UGT1A9: variants seen among roughly 807,000 people sequenced by gnomAD.
UGT1A9 encodes UDP-glucuronosyltransferase 1A9.
Under a neutral mutation model 45.0 loss-of-function variants are expected in UGT1A9, and 35 were observed. That is an observed-to-expected ratio of 0.78 (90% CI 0.59 to 1.03). The LOEUF (loss-of-function observed/expected upper bound fraction) is 1.03. Ranked by LOEUF, UGT1A9 falls within the 50% of genes least tolerant of loss-of-function variation. UGT1A9 has a pLI of 0.00. For missense variants in UGT1A9, 687 were observed against 666.6 expected, an observed-to-expected ratio of 1.03 and a Z score of -0.34; for synonymous variants, 278 against 250.6, an observed-to-expected ratio of 1.11 and a Z score of -1.03.
intron 1 of UGT1A9, among the ~76,000 whole-genome samples, chr2:233,733,802 G>A (rs2078438664): frequency 6.6e-6 from 1 of 152,152 alleles, no homozygotes; most frequent in African/African-American, 2.4e-5. Flanking sequence ...TTTGGTATCA[G>A]GATGATGCTG....
chr2:233,733,332 C>T (rs1191516826), intron 1 of UGT1A9, among the ~76,000 whole-genome samples: 5 of 152,198 alleles, frequency 3.3e-5, no homozygotes, highest in East Asian at 1.9e-4. Context: ...CTGGCCAGAA[C>T]TTCCAACAGT....
intron 1 of UGT1A9, chr2:233,729,369 C>T (rs552638090): frequency 1.4e-5 from 23 of 1,613,926 alleles, no homozygotes; most frequent in Non-Finnish European, 1.8e-5. Flanking sequence ...CAACCTATGC[C>T]ATTTCGTGGA....
At chr2:233,730,586 G>A (rs2078050719) in intron 1 of UGT1A9, among the ~76,000 whole-genome samples, 1 of 152,116 alleles carries the variant, frequency 6.6e-6, no homozygotes, top group Admixed American at 6.6e-5. Context: ...TTCCAGACAG[G>A]GATCTGTGCT....
intron 4 of UGT1A9, chr2:233,770,944 AC>A: frequency 6.6e-6 from 1 of 152,138 alleles, no homozygotes; most frequent in Non-Finnish European, 1.5e-5. Context: ...TGCCGGGGGA[AC>A]CTCAGGGAGC....
intron 1 of UGT1A9, among the ~76,000 whole-genome samples, chr2:233,724,884 G>A (rs1223856006): frequency 8.2e-5 from 11 of 134,350 alleles, no homozygotes; most frequent in Admixed American, 1.5e-4. Context: ...CGGAGATCAC[G>A]CCACTGCACT....
At chr2:233,729,653 T>C (rs781239546) in intron 1 of UGT1A9, 1 of 1,613,906 alleles carries the variant, frequency 6.2e-7, no homozygotes, top group East Asian at 2.2e-5. Flanking sequence ...TTGAGGAACA[T>C]TCCATGTGAT....
chr2:233,694,603 G>C (rs192830777), intron 1 of UGT1A9, among the ~76,000 whole-genome samples: 4 of 152,306 alleles, frequency 2.6e-5, no homozygotes. Context: ...AAGGGCTTCA[G>C]GCAACTCCCT....
chr2:233,754,277 A>C (rs1263233014), intron 1 of UGT1A9: 4 of 191,024 alleles, frequency 2.1e-5, no homozygotes, highest in Admixed American at 1.6e-4. Flanking sequence ...AAGTGCTGAG[A>C]TGAACATTCT....
At chr2:233,720,871 A>ACT (rs2076900634) in intron 1 of UGT1A9, among the ~76,000 whole-genome samples, 1 of 132,772 alleles carries the variant, frequency 7.5e-6, no homozygotes, top group Non-Finnish European at 1.6e-5. Context: ...GCTCCTGGCA[A>ACT]TTTTTTTTTT....
intron 1 of UGT1A9, chr2:233,755,075 A>C (rs1312444555): frequency 7.5e-7 from 1 of 1,336,312 alleles, no homozygotes; most frequent in East Asian, 4.6e-5. Context: ...CATAGCGGTC[A>C]TAGATATCGC....
chr2:233,743,705 G>T (rs756391897), intron 1 of UGT1A9: 2 of 1,367,306 alleles, frequency 1.5e-6, no homozygotes, highest in Non-Finnish European at 9.8e-7. Context: ...CTCCGCCCCC[G>T]CCTCGCCATA....
intron 1 of UGT1A9, chr2:233,740,811 C>T (rs1350970609): frequency 1.3e-5 from 2 of 151,872 alleles, no homozygotes; most frequent in Admixed American, 1.3e-4. Flanking sequence ...TAGCACTGTT[C>T]TGTTTTTGAG....
intron 1 of UGT1A9, chr2:233,760,329 C>A (rs765814343): frequency 8.7e-6 from 14 of 1,613,970 alleles, no homozygotes; most frequent in South Asian, 1.1e-5. Flanking sequence ...TTGTCCTGGG[C>A]CTGCTGCTGT....
At chr2:233,764,054 A>G (rs995386532) in intron 1 of UGT1A9, among the ~76,000 whole-genome samples, 2 of 152,188 alleles carry the variant, frequency 1.3e-5, no homozygotes, top group African/African-American at 2.4e-5. Flanking sequence ...GGAAAATGAA[A>G]TGCATTTGGG....
chr2:233,729,874 A>C (rs1272831634), intron 1 of UGT1A9: 1 of 1,613,832 alleles, frequency 6.2e-7, no homozygotes, highest in Non-Finnish European at 8.5e-7. Flanking sequence ...GGATATTCTC[A>C]GTCATGCATC....
At chr2:233,692,903 A>G in intron 1 of UGT1A9, 1 of 1,546,668 alleles carries the variant, frequency 6.5e-7, no homozygotes. Context: ...GGTAGACAGG[A>G]CCTGTGAAAA....
At chr2:233,730,195 G>T (rs1056966798) in intron 1 of UGT1A9, among the ~76,000 whole-genome samples, 6 of 152,186 alleles carry the variant, frequency 3.9e-5, no homozygotes, top group Admixed American at 6.5e-5. Context: ...TCACTGAGAG[G>T]AAGAGGAAGT....
chr2:233,755,006 C>T (rs1286236812), intron 1 of UGT1A9: 2 of 1,291,954 alleles, frequency 1.5e-6, no homozygotes, highest in Admixed American at 1.9e-5. Context: ...TGAAGACCTA[C>T]TCGAAGGGGT....
In UGT1A9 at chr2:233,747,934, G is replaced by A. The variant is rs544310415; in HGVS notation, c.856-19100G>A. The A allele has an allele frequency of 2.5e-6, 4 of 1,613,444 alleles. No individual in the cohort carries two copies. In the South Asian group the frequency reaches 3.3e-5, roughly 13 times the overall value. ...AGCCTTGCCTCTGAGCTTTTTCAGAGGGAGGTGTCAGTGGTGGATCTTCTC... is the reference window on the plus strand; with the variant it reads ...AGCCTTGCCTCTGAGCTTTTTCAGAAGGAGGTGTCAGTGGTGGATCTTCTC... On this transcript the variant is annotated intron_variant, in intron 1 of 4. Coordinates refer to ENST00000354728, the MANE Select transcript of UGT1A9 (RefSeq NM_021027.3).
Sources: gnomAD v4.1 joint callset for allele counts (sites outside exome capture counted in the v4.1 genomes callset) on GRCh38, gnomAD v4.1.1 for gene constraint, MANE v1.5 for transcripts, NCBI Gene and HGNC (gene_info 2026-07-23, HGNC 2026-07-21) for gene names.